Variants in COL11A2 observed in about 807,000 individuals in gnomAD.
The protein encoded by COL11A2 is collagen alpha-2(XI) chain.
In COL11A2, 116 loss-of-function variants were observed where a neutral mutation model predicts 273.4. The ratio of observed to expected loss-of-function variants is 0.42; its 90% confidence interval spans 0.36 to 0.49. The LOEUF is 0.49. Ranked by LOEUF, COL11A2 falls within the 20% of genes least tolerant of loss-of-function variation. The probability of loss-of-function intolerance (pLI) is 0.00; values close to 1 mark genes in which losing one functional copy is unlikely to be tolerated. For missense variants in COL11A2, 1,866 were observed against 2,309.0 expected (o/e 0.81, Z 3.93); for synonymous variants, 782 against 864.2 (o/e 0.90, Z 1.67).
Position 33,192,440 on chromosome 6 carries a change from C to T in COL11A2, c.-200G>A, listed in dbSNP as rs144092339. The T allele has an allele frequency of 0.031, 19,192 of 613,210 alleles. 638 individuals carry two copies. Among genetic ancestry groups the T allele is most frequent in the Non-Finnish European group, 0.031 (10,597 of 345,154 alleles). 38.0% of individuals were successfully genotyped at this position (613,210 alleles called of 1,614,324 possible). A position where few individuals can be genotyped will look rare whatever the true frequency, so the allele number is the denominator to read the frequency against. On this transcript the variant is annotated 5_prime_UTR_variant, in exon 1 of 66. Transcript: ENST00000341947. ...CGCCGTCGGGGCTCCCGGCACTGCT[C>T]CCTCCTCGGTGGCTGCCGCTTCTGT...
Position 33,179,509 on chromosome 6 carries a change from A to G in COL11A2, c.1447-22T>C. ...CCAGCTAGGGGAGCAGGGGGACAGCAGAGCTGAGGGACAGGCAGTGGGAAC... is the reference window on the plus strand; with the variant it reads ...CCAGCTAGGGGAGCAGGGGGACAGCGGAGCTGAGGGACAGGCAGTGGGAAC... On this transcript the variant is annotated intron_variant, in intron 13 of 65. Transcript: ENST00000341947. This position sits in a 1 kb window ranked among gnomAD's most constrained non-coding sequence, Gnocchi z 6.4. The G allele has an allele frequency of 6.4e-7, 1 of 1,552,046 alleles. No homozygotes were observed.
intron 8 of COL11A2, among the ~76,000 whole-genome samples, chr6:33,182,601 C>T (rs749617593): frequency 6.6e-6 from 1 of 151,958 alleles, no homozygotes; most frequent in Non-Finnish European, 1.5e-5. Context: ...ACCCCAGCTA[C>T]TCGGGAGGCT....
Position 33,189,486 on chromosome 6 carries a change from T to C in COL11A2, c.83-17A>G, listed in dbSNP as rs2150625843. On this transcript the variant is annotated splice_polypyrimidine_tract_variant and intron_variant, in intron 1 of 65. Coordinates refer to ENST00000341947, the MANE Select transcript of COL11A2 (RefSeq NM_080680.3). The surrounding 1 kb of genome is among the most constrained non-coding windows in gnomAD (Gnocchi z 5.6). Reference sequence around the variant, plus strand: ...GGGGTGCACCTGGGAGAGTCCATGATTATCAGGAGAAGGGACATGCCCTCA... The same window carrying C: ...GGGGTGCACCTGGGAGAGTCCATGACTATCAGGAGAAGGGACATGCCCTCA... 6.2e-7 allele frequency: 1 copy of C among 1,612,820 alleles called. No homozygotes were observed. Among genetic ancestry groups the C allele is most frequent in the South Asian group, 1.1e-5 (1 of 91,082 alleles).
chr6:33,169,639 C>A lies in COL11A2; in HGVS notation c.3691-149G>T. On this transcript the variant is annotated intron_variant, in intron 50 of 65. Coordinates refer to ENST00000341947, the MANE Select transcript of COL11A2 (RefSeq NM_080680.3). The surrounding 1 kb of genome is among the most constrained non-coding windows in gnomAD (Gnocchi z 5.5). ...AAGTCAAGCCTACAAGGGGAGTTCC[C>A]TAGTCCCCTTCCCTTCAAGAAAGGG... The A allele has an allele frequency of 9.5e-7, 1 of 1,055,720 alleles. No individual in the cohort carries two copies. The highest frequency in any genetic ancestry group is 1.5e-6 in the Non-Finnish European group (1 of 689,072). 65.4% of individuals were successfully genotyped at this position (1,055,720 alleles called of 1,614,324 possible).
Position 33,169,303 on chromosome 6 carries a change from C to T in COL11A2, c.3798+80G>A. On this transcript the variant is annotated intron_variant, in intron 51 of 65. Coordinates refer to ENST00000341947, the MANE Select transcript of COL11A2 (RefSeq NM_080680.3). This position sits in a 1 kb window ranked among gnomAD's most constrained non-coding sequence, Gnocchi z 5.5. Reference sequence around the variant, plus strand: ...CCCGGGCTCCCCACACTCCAAGATCCTCCCTCACACACACCCATATTCCCA... The same window carrying T: ...CCCGGGCTCCCCACACTCCAAGATCTTCCCTCACACACACCCATATTCCCA... 7.6e-7 allele frequency: 1 copy of T among 1,324,440 alleles called. No homozygotes were observed. Among genetic ancestry groups the T allele is most frequent in the South Asian group, 1.2e-5 (1 of 82,026 alleles). The allele number at this position is 1,324,440 out of a possible 1,614,324, so 82.0% of individuals were successfully genotyped here.
At position 33,165,090 on chromosome 6, in the gene COL11A2, C is replaced by T; in HGVS notation, c.4751-126G>A. 1 of 717,266 alleles carries T rather than the reference C, an allele frequency of 1.4e-6. No homozygotes were observed. The highest frequency in any genetic ancestry group is 2.2e-5 in the Admixed American group (1 of 46,052). 44.4% of individuals were successfully genotyped at this position (717,266 alleles called of 1,614,324 possible). ...TGCTCTTAGTCTCCTGGTCCTCCTC[C>T]CTCCCAGAGCCCTAGAATCTAGCCC... On this transcript the variant is annotated intron_variant, in intron 63 of 65. Coordinates refer to ENST00000341947, the MANE Select transcript of COL11A2 (RefSeq NM_080680.3). The surrounding 1 kb of genome is among the most constrained non-coding windows in gnomAD (Gnocchi z 7.7).
Position 33,177,972 on chromosome 6 carries a change from C to A in COL11A2, c.1872+160G>T. 5.9e-6 allele frequency: 5 copies of A among 852,716 alleles called. No individual in the cohort carries two copies. The highest frequency in any genetic ancestry group is 9.3e-6 in the Non-Finnish European group (5 of 539,458). 52.8% of individuals were successfully genotyped at this position (852,716 alleles called of 1,614,324 possible). On this transcript the variant is annotated intron_variant, in intron 21 of 65. Transcript: ENST00000341947. This position sits in a 1 kb window ranked among gnomAD's most constrained non-coding sequence, Gnocchi z 5.9. ...CATGGCCCTCCCTGTGCACGGGGAG[C>A]GAATGCTGAGGCAGGGCAGTGTGGG...
chr6:33,178,077 A>C lies in COL11A2; in HGVS notation c.1872+55T>G. 6.5e-7 allele frequency: 1 copy of C among 1,537,148 alleles called. No individual in the cohort carries two copies. Among genetic ancestry groups the C allele is most frequent in the Admixed American group, 1.8e-5 (1 of 56,326 alleles). On this transcript the variant is annotated intron_variant, in intron 21 of 65. Transcript: ENST00000341947. The surrounding 1 kb of genome is among the most constrained non-coding windows in gnomAD (Gnocchi z 4.6). ...AGCAGGAAGGCAGCTAGAAAGGTGG[A>C]GAGTTGGAGAGGTCAAGGGGTCACC... is the stretch of plus-strand genomic sequence containing the variant.
intron 38 of COL11A2, among the ~76,000 whole-genome samples, 174 bp from the exon 39 acceptor site, chr6:33,172,811 T>C (rs1022858853): frequency 1.3e-5 from 2 of 152,128 alleles, no homozygotes; most frequent in Non-Finnish European, 2.9e-5. Context: ...TCCTGCCCCA[T>C]GTGGAGTAAC....
chr6:33,176,760 G>A lies in COL11A2; in HGVS notation c.2076C>T (p.His692=), dbSNP rs144713192. The A allele has an allele frequency of 1.9e-5, 30 of 1,612,908 alleles. No homozygotes were observed. Among genetic ancestry groups the A allele is most frequent in the South Asian group, 6.6e-5 (6 of 90,858 alleles). The part of the protein sequence containing the change: ...GMPGSDGPPG[H]PGKEGPPGTK... Reference sequence around the variant, plus strand: ...TTCCAGGGGGACCTTCCTTCCCTGGGTGACCCTGGGAGTAAGGGATAGAAA... The same window carrying A: ...TTCCAGGGGGACCTTCCTTCCCTGGATGACCCTGGGAGTAAGGGATAGAAA... Residue 692 remains histidine (H), a synonymous_variant, in exon 26 of 66, where the codon CAC becomes CAT. Coordinates refer to ENST00000341947, the MANE Select transcript of COL11A2 (RefSeq NM_080680.3). This position sits in a 1 kb window ranked among gnomAD's most constrained non-coding sequence, Gnocchi z 4.9.
In COL11A2 at chr6:33,185,009, A is replaced by G; in HGVS notation, c.922T>C (p.Leu308=). 1 of 1,551,290 alleles carries G rather than the reference A, an allele frequency of 6.4e-7. No homozygotes were observed. Among genetic ancestry groups the G allele is most frequent in the South Asian group, 1.2e-5 (1 of 84,032 alleles). ...AGAGTTACCTCCTCAAGGGGTGGCA[A>G]GAGGCTCGACTCCAGGATTTCTTCC... ...EEEEILESSL[L]PPLEEEQTDL... The change falls in exon 7 of 66, where the codon TTG becomes CTG. Residue 308 remains leucine (L), a synonymous_variant. Transcript: ENST00000341947.
chr6:33,176,023 C>A lies in COL11A2; in HGVS notation c.2261G>T (p.Gly754Val). The change falls in exon 29 of 66, where the codon GGT becomes GTT. Residue 754 changes from glycine (G) to valine (V), a missense_variant. Coordinates refer to ENST00000341947, the MANE Select transcript of COL11A2 (RefSeq NM_080680.3). This position sits in a 1 kb window ranked among gnomAD's most constrained non-coding sequence, Gnocchi z 4.9. ...PGFKGDIGVK[G>V]DRGEVGVPGS... ...TGTGGGGTCTCTACTCACCCTGTCACCTTTCACGCCTATGTCACCTTTGAA... is the reference window on the plus strand; with the variant it reads ...TGTGGGGTCTCTACTCACCCTGTCAACTTTCACGCCTATGTCACCTTTGAA... The A allele has an allele frequency of 6.2e-7, 1 of 1,613,028 alleles. No homozygotes were observed. The highest frequency in any genetic ancestry group is 8.5e-7 in the Non-Finnish European group (1 of 1,180,018).
intron 1 of COL11A2, 40 bp downstream of exon 1, chr6:33,192,119 A>C: frequency 1.3e-6 from 2 of 1,531,890 alleles, no homozygotes; most frequent in Non-Finnish European, 1.8e-6. Context: ...TCAGAGCTCC[A>C]GCCTGACTCC....
rs368309085 is a variant in COL11A2 at position 33,163,823 on chromosome 6, A to C, written c.5071-5T>G. ...CACCGTCCGGCCTTGCTGTGTCTTC[A>C]GGGGGAGACAAGGAAGAAAGTGTGA... On this transcript the variant is annotated splice_polypyrimidine_tract_variant and splice_region_variant and intron_variant, in intron 65 of 65. Transcript: ENST00000341947. The surrounding 1 kb of genome is among the most constrained non-coding windows in gnomAD (Gnocchi z 4.1). The C allele has an allele frequency of 4.8e-4, 773 of 1,612,896 alleles. 25 individuals carry two copies. In the South Asian group the frequency reaches 6.0e-3, roughly 12 times the overall value.
In COL11A2 at chr6:33,189,524, T is replaced by A. The variant is rs56297647; in HGVS notation, c.83-55A>T. On this transcript the variant is annotated intron_variant, in intron 1 of 65. Coordinates refer to ENST00000341947, the MANE Select transcript of COL11A2 (RefSeq NM_080680.3). This position sits in a 1 kb window ranked among gnomAD's most constrained non-coding sequence, Gnocchi z 5.6. ...GGACATGCCCTCAGGAGGGCATAAATAGGGGACATTTGGGATCTAGAACTC... is the reference window on the plus strand; with the variant it reads ...GGACATGCCCTCAGGAGGGCATAAAAAGGGGACATTTGGGATCTAGAACTC... 29,306 of 1,605,354 alleles carry A rather than the reference T, an allele frequency of 0.018. 296 individuals are homozygous for A. Among genetic ancestry groups the A allele is most frequent in the Middle Eastern group, 0.031 (185 of 6,042 alleles).
At chr6:33,174,765 A>G (rs1230121819) in intron 30 of COL11A2, among the ~76,000 whole-genome samples, 185 bp from the exon 31 acceptor site, 1 of 151,654 alleles carries the variant, frequency 6.6e-6, no homozygotes, top group Non-Finnish European at 1.5e-5. Flanking sequence ...CCTTCCCGTG[A>G]GTGGATTTTC....
At position 33,179,761 on chromosome 6, in the gene COL11A2, C is replaced by T. The variant is rs760246434; in HGVS notation, c.1404G>A (p.Ala468=). The change falls in exon 13 of 66, where the codon GCG becomes GCA. Residue 468 remains alanine, a synonymous_variant. Transcript: ENST00000341947. This position sits in a 1 kb window ranked among gnomAD's most constrained non-coding sequence, Gnocchi z 6.4. The part of the protein sequence containing the change: ...SGGGDKGPVV[A]AQEAQAQAIL... The stretch of plus-strand genomic sequence containing the variant: ...TCGCCTGGGCCTGAGCCTCCTGGGC[C>T]GCCACCACAGGGCCCTTGTCACCCC... The T allele has an allele frequency of 1.1e-5, 18 of 1,612,034 alleles. No homozygotes were observed. Among genetic ancestry groups the T allele is most frequent in the African/African-American group, 4.0e-5 (3 of 74,908 alleles).
In COL11A2 at chr6:33,173,156, G is replaced by T; in HGVS notation, c.2737-43C>A. 1 of 1,590,862 alleles carries T rather than the reference G, an allele frequency of 6.3e-7. No individual in the cohort carries two copies. The highest frequency in any genetic ancestry group is 8.6e-7 in the Non-Finnish European group (1 of 1,167,458). On this transcript the variant is annotated intron_variant, in intron 37 of 65. Transcript: ENST00000341947. This position sits in a 1 kb window ranked among gnomAD's most constrained non-coding sequence, Gnocchi z 6.3. ...GAGAATGCAGTGAAAGCAGGTGTGG[G>T]CGCTGTGGGGCAGATTCCCAGGAGG...
Position 33,178,332 on chromosome 6 carries a change from C to T in COL11A2, c.1794G>A (p.Gly598=), listed in dbSNP as rs749333506. 9 of 1,612,850 alleles carry T rather than the reference C, an allele frequency of 5.6e-6. No individual in the cohort carries two copies. In the South Asian group the frequency reaches 9.9e-5, roughly 18 times the overall value. ...CCGACTCTCCAGGCAGCCCTCGAGG[C>T]CCAATCTCCCCGTCATCTCCCTGGA... ...DGERGDDGEI[G]PRGLPGESGP... The change falls in exon 20 of 66, where the codon GGG becomes GGA. Residue 598 remains glycine (G), a synonymous_variant. Coordinates refer to ENST00000341947, the MANE Select transcript of COL11A2 (RefSeq NM_080680.3). This position sits in a 1 kb window ranked among gnomAD's most constrained non-coding sequence, Gnocchi z 4.6.
Sources: allele counts gnomAD v4.1 joint callset (sites outside exome capture counted in the v4.1 genomes callset), GRCh38; gene constraint gnomAD v4.1.1; non-coding constraint Gnocchi (gnomAD v3.1); transcripts MANE v1.5; gene names NCBI Gene and HGNC (gene_info 2026-07-23, HGNC 2026-07-21).